The following CPPED1 variants were observed in gnomAD, a reference collection of about 807,000 sequenced individuals.
CPPED1 encodes the protein serine/threonine-protein phosphatase CPPED1.
A neutral mutation model predicts 28.0 loss-of-function variants in CPPED1; 28 were observed. The ratio of observed to expected loss-of-function variants is 1.00; its 90% CI spans 0.74 to 1.37. CPPED1 has a LOEUF of 1.37. CPPED1 is among the 40% of genes most tolerant of loss of function. CPPED1 has a pLI of 0.00. For missense variants in CPPED1, 504 were observed against 416.5 expected (o/e 1.21, Z -1.83); for synonymous variants, 198 against 180.2 (o/e 1.10, Z -0.79).
Position 12,664,799 on chromosome 16 carries a change from T to C in CPPED1, c.*87A>G. 2 of 1,563,868 alleles carry C rather than the reference T, an allele frequency of 1.3e-6. No homozygotes were observed. The highest frequency in any genetic ancestry group is 1.7e-6 in the Non-Finnish European group (2 of 1,162,484). ...CAAACCTGCCTGGGCTATTTTTATA[T>C]TTCAGCAAGAGGTTGTGTGCAGCTG... On this transcript the variant is annotated 3_prime_UTR_variant, in exon 4 of 4. Transcript: ENST00000381774. This position sits in a 1 kb window ranked among gnomAD's most constrained non-coding sequence, Gnocchi z 4.2.
intron 3 of CPPED1, among the ~76,000 whole-genome samples, chr16:12,680,587 C>T (rs933375626): frequency 1.3e-5 from 2 of 152,136 alleles, no homozygotes; most frequent in African/African-American, 2.4e-5. Flanking sequence ...GAGACAGCCC[C>T]CAGGGAAGAA....
At position 12,682,971 on chromosome 16, in the gene CPPED1, AGAAT is replaced by A. The variant is rs1234670915; in HGVS notation, c.716-17860_716-17857del. Among the ~76,000 whole-genome samples the A allele has an allele frequency of 6.6e-6, 1 of 152,220 alleles. No homozygotes were observed. The highest frequency in any genetic ancestry group is 2.4e-5 in the African/African-American group (1 of 41,462). On this transcript the variant is annotated intron_variant, in intron 3 of 3. Coordinates refer to ENST00000381774, the MANE Select transcript of CPPED1 (RefSeq NM_018340.3). This position sits in a 1 kb window ranked among gnomAD's most constrained non-coding sequence, Gnocchi z 6.1. Reference sequence around the variant, plus strand: ...CATTAAAAAGATTGTTTTGACTGACAGAATGTTCGTGTATCAAATTGGAAATCCA... The same window carrying A: ...CATTAAAAAGATTGTTTTGACTGACAGTTCGTGTATCAAATTGGAAATCCA...
intron 2 of CPPED1, among the ~76,000 whole-genome samples, chr16:12,742,304 C>T (rs536447726): frequency 1.3e-5 from 2 of 152,224 alleles, no homozygotes; most frequent in South Asian, 2.1e-4. Context: ...TTAGAAATCA[C>T]ACAGGCAGGT....
rs138675157 is a variant in CPPED1, at chr16:12,739,748, G to C, written c.290-34699C>G. On this transcript the variant is annotated intron_variant, in intron 2 of 3. Coordinates refer to ENST00000381774, the MANE Select transcript of CPPED1 (RefSeq NM_018340.3). ...GTTCGCAGCCTCCTCTCTAGTTAGA[G>C]GTGGCCAAGTGGCAAGGAGACATGA... Among the ~76,000 whole-genome samples the C allele has an allele frequency of 1.2e-3, 178 of 152,276 alleles. 1 individual carries two copies. The highest frequency in any genetic ancestry group is 2.1e-3 in the Non-Finnish European group (141 of 68,026).
chr16:12,768,596 G>T (rs776326358), intron 2 of CPPED1, among the ~76,000 whole-genome samples: 21 of 152,210 alleles, frequency 1.4e-4, no homozygotes, highest in African/African-American at 5.1e-4. Flanking sequence ...GAGTATGTGC[G>T]TATGTACACA....
intron 2 of CPPED1, among the ~76,000 whole-genome samples, chr16:12,740,916 G>A (rs535079952): frequency 2.6e-4 from 39 of 152,308 alleles, no homozygotes; most frequent in African/African-American, 8.9e-4. Flanking sequence ...CTTGTTACCT[G>A]CAGGCAAACA....
intron 3 of CPPED1, among the ~76,000 whole-genome samples, chr16:12,675,274 T>G (rs1039387869): frequency 2.6e-5 from 4 of 152,178 alleles, no homozygotes; most frequent in African/African-American, 9.7e-5. Flanking sequence ...GGTTCCTTAA[T>G]TGAGTATTAT....
In CPPED1 at chr16:12,690,924, T is replaced by C. The variant is rs568242369; in HGVS notation, c.715+13700A>G. Among the ~76,000 whole-genome samples, 13 of 152,290 alleles carry C rather than the reference T, an allele frequency of 8.5e-5. 1 individual carries two copies. In the South Asian group the frequency reaches 2.3e-3, roughly 27 times the overall value. On this transcript the variant is annotated intron_variant, in intron 3 of 3. Coordinates refer to ENST00000381774, the MANE Select transcript of CPPED1 (RefSeq NM_018340.3). ...AGCTCCTTTCCTGAGGCAGCCCCTG[T>C]AGAGGAGCAGGTGAAGAATGGGCAG...
chr16:12,704,634 G>T lies in CPPED1; in HGVS notation c.705C>A (p.Phe235Leu). Residue 235 changes from phenylalanine to leucine, a missense_variant, in exon 3 of 4, where the codon TTC becomes TTA. Physicochemically the swap from Phe to Leu is conservative, Grantham distance 22. Coordinates refer to ENST00000381774, the MANE Select transcript of CPPED1 (RefSeq NM_018340.3). ...KSTRKKLADKFIHAGVKVVFS... is the reference protein window; with the variant it reads ...KSTRKKLADKLIHAGVKVVFS... ...GCCCGGGGCCTCTACCTGCGTGGAT[G>T]AACTTGTCTGCCAACTTCTTCCGAG... 1 of 1,609,514 alleles carries T rather than the reference G, an allele frequency of 6.2e-7. No homozygotes were observed. The highest frequency in any genetic ancestry group is 1.1e-5 in the South Asian group (1 of 90,678).
chr16:12,780,030 C>T (rs1348969053), intron 2 of CPPED1, among the ~76,000 whole-genome samples: 1 of 152,148 alleles, frequency 6.6e-6, no homozygotes, highest in African/African-American at 2.4e-5. Flanking sequence ...AGGTGTCTGT[C>T]ATCGTTGAAT....
At chr16:12,668,181 C>T (rs8056212) in intron 3 of CPPED1, among the ~76,000 whole-genome samples, 83,393 of 152,000 alleles carry the variant, frequency 0.55, 26,303 homozygotes, top group Non-Finnish European at 0.72. Context: ...AAGTTTACCA[C>T]GTCTAAATCT....
intron 2 of CPPED1, among the ~76,000 whole-genome samples, chr16:12,747,819 C>T (rs543597788): frequency 5.9e-5 from 9 of 152,288 alleles, no homozygotes; most frequent in Non-Finnish European, 1.0e-4. Flanking sequence ...ACACTTCAAA[C>T]GTGTGCAGTT....
At chr16:12,678,652 G>A (rs1014903710) in intron 3 of CPPED1, among the ~76,000 whole-genome samples, 3 of 152,082 alleles carry the variant, frequency 2.0e-5, no homozygotes, top group Admixed American at 2.0e-4. Context: ...TGGTGCTATT[G>A]TAAATTGAAT....
chr16:12,696,823 T>C (rs1435716930), intron 3 of CPPED1, among the ~76,000 whole-genome samples: 1 of 152,034 alleles, frequency 6.6e-6, no homozygotes, highest in East Asian at 1.9e-4. Flanking sequence ...TACCCTCTTT[T>C]TACAAGTGGG....
At position 12,665,087 on chromosome 16, in the gene CPPED1, G is replaced by T. The variant is rs749904248; in HGVS notation, c.744C>A (p.Tyr248Ter). 2 of 1,603,506 alleles carry T rather than the reference G, an allele frequency of 1.2e-6. No homozygotes were observed. The highest frequency in any genetic ancestry group is 1.7e-6 in the Non-Finnish European group (2 of 1,177,148). The part of the protein sequence containing the change: ...AGVKVVFSGH[Y>*]HRNAGGTYQN... The stretch of plus-strand genomic sequence containing the variant: ...GGTAGGTACCCCCGGCATTCCTGTG[G>T]TAGTGGCCTGAGAACACGACTTTGA... Residue 248 changes from tyrosine (Y) to a stop codon, truncating the protein, a stop_gained, in exon 4 of 4, where the codon TAC becomes TAA. Coordinates refer to ENST00000381774, the MANE Select transcript of CPPED1 (RefSeq NM_018340.3). LOFTEE classifies it high-confidence loss of function.
At chr16:12,721,966 G>A (rs983177294) in intron 2 of CPPED1, among the ~76,000 whole-genome samples, 1 of 152,042 alleles carries the variant, frequency 6.6e-6, no homozygotes, top group Non-Finnish European at 1.5e-5. Flanking sequence ...TCCATTTACT[G>A]TCTTAGTAAG....
intron 2 of CPPED1, among the ~76,000 whole-genome samples, chr16:12,735,001 G>C (rs190914879): frequency 6.6e-6 from 1 of 152,174 alleles, no homozygotes; most frequent in Non-Finnish European, 1.5e-5. Context: ...TTGGGTCAAA[G>C]CCAGGGCAAT....
chr16:12,738,682 T>C (rs1476348393), intron 2 of CPPED1, among the ~76,000 whole-genome samples: 1 of 151,862 alleles, frequency 6.6e-6, no homozygotes, highest in African/African-American at 2.4e-5. Flanking sequence ...ATTTAGAGAG[T>C]TTATGGGTAT....
intron 3 of CPPED1, among the ~76,000 whole-genome samples, chr16:12,686,241 A>ATATATATTTTT (rs35644844): frequency 1.4e-3 from 149 of 106,948 alleles, no homozygotes; most frequent in African/African-American, 5.9e-3. Context: ...ATATATATAT[A>ATATATATTTTT]TTTTTTTTTT....
Sources: gnomAD v4.1 joint callset for allele counts (sites outside exome capture counted in the v4.1 genomes callset) on GRCh38, gnomAD v4.1.1 for gene constraint, Gnocchi (gnomAD v3.1) non-coding constraint, MANE v1.5 for transcripts, NCBI Gene and HGNC (gene_info 2026-07-23, HGNC 2026-07-21) for gene names.